Variants in CHTF8 observed in about 807,000 individuals in gnomAD.
The protein encoded by CHTF8 is chromosome transmission fidelity protein 8 homolog.
Under a neutral mutation model 11.0 loss-of-function variants are expected in CHTF8, and 6 were observed. The ratio of observed to expected loss-of-function variants is 0.55; its 90% CI spans 0.30 to 1.08. CHTF8 has a LOEUF of 1.08. Ranked by LOEUF, CHTF8 falls within the 50% of genes least tolerant of loss-of-function variation. The pLI is 0.07. For synonymous variants in CHTF8, 53 were observed against 60.5 expected (o/e 0.88, Z 0.57); for missense variants, 140 against 153.1 (o/e 0.91, Z 0.45).
Position 69,123,697 on chromosome 16 carries a change from A to G in CHTF8, c.-35-2204T>C, listed in dbSNP as rs1401125143. On this transcript the variant is annotated intron_variant, in intron 1 of 3. Coordinates refer to ENST00000448552, the MANE Select transcript of CHTF8 (RefSeq NM_001039690.5). ...TCCAAGGGAACTGAGAAAGTCCTCC[A>G]ACATCTTTAGTGAATGGTAAGCTGA... 2.0e-5 allele frequency among the ~76,000 whole-genome samples: 3 copies of G among 152,180 alleles called. No homozygotes were observed. In the East Asian group the frequency reaches 5.8e-4, roughly 29 times the overall value.
rs1292577233 is a variant in CHTF8, at chr16:69,118,827, A to C, written c.*1598T>G. 1 of 686,346 alleles carries C rather than the reference A, an allele frequency of 1.5e-6. No homozygotes were observed. The highest frequency in any genetic ancestry group is 2.7e-6 in the Non-Finnish European group (1 of 376,200). The allele number at this position is 686,346 out of a possible 1,614,324, so 42.5% of individuals were successfully genotyped here. On this transcript the variant is annotated 3_prime_UTR_variant, in exon 4 of 4. Coordinates refer to ENST00000448552, the MANE Select transcript of CHTF8 (RefSeq NM_001039690.5). ...CCAAGAACCACAGTGCCTAGAAACC[A>C]AGGTGGTCCTGGAGGGAAAATGGTG...
Position 69,119,408 on chromosome 16 carries a change from T to C in CHTF8, c.*1017A>G, listed in dbSNP as rs776154872. ...GAGAAATGAGCTGAATTAGGGCCTATGGGGCCAGGAGCCCTTGACATGGGA... is the reference window on the plus strand; with the variant it reads ...GAGAAATGAGCTGAATTAGGGCCTACGGGGCCAGGAGCCCTTGACATGGGA... On this transcript the variant is annotated 3_prime_UTR_variant, in exon 4 of 4. Coordinates refer to ENST00000448552, the MANE Select transcript of CHTF8 (RefSeq NM_001039690.5). 3.6e-5 allele frequency: 25 copies of C among 702,830 alleles called. No individual in the cohort carries two copies. The highest frequency in any genetic ancestry group is 2.3e-4 in the Middle Eastern group (1 of 4,390). 43.5% of individuals were successfully genotyped at this position (702,830 alleles called of 1,614,324 possible).
chr16:69,130,083 G>C (rs888565922), intron 1 of CHTF8, among the ~76,000 whole-genome samples: 3 of 152,176 alleles, frequency 2.0e-5, no homozygotes, highest in Non-Finnish European at 4.4e-5. Flanking sequence ...TCTGGTCTCT[G>C]AATTGTTAAA....
chr16:69,118,912 A>C lies in CHTF8; in HGVS notation c.*1513T>G, dbSNP rs2152264362. The C allele has an allele frequency of 1.4e-6, 1 of 703,092 alleles. No individual in the cohort carries two copies. The highest frequency in any genetic ancestry group is 2.0e-5 in the Admixed American group (1 of 50,020). 43.6% of individuals were successfully genotyped at this position (703,092 alleles called of 1,614,324 possible). A position where few individuals can be genotyped will look rare whatever the true frequency, so the allele number is the denominator to read the frequency against. ...AGCCATTGGACCCCCTGGTCTGGGG[A>C]AAGCAGCTGGGTTTGTGCCAGGGAG... On this transcript the variant is annotated 3_prime_UTR_variant, in exon 4 of 4. Transcript: ENST00000448552.
intron 1 of CHTF8, among the ~76,000 whole-genome samples, chr16:69,126,890 CCT>C (rs1962099452): frequency 1.3e-5 from 2 of 152,258 alleles, no homozygotes; most frequent in South Asian, 4.1e-4. Flanking sequence ...TGAGTACTCC[CCT>C]GAGGACACAC....
At chr16:69,131,451 C>G (rs1477445532) in intron 1 of CHTF8, 2 of 151,480 alleles carry the variant, frequency 1.3e-5, no homozygotes, top group African/African-American at 2.4e-5. Context: ...CTTTCTAGCC[C>G]GGCGTAGAGT....
In CHTF8 at chr16:69,132,476, G is replaced by A. The variant is rs1223975716; in HGVS notation, c.-36+8C>T. On this transcript the variant is annotated splice_region_variant and intron_variant, in intron 1 of 3. Transcript: ENST00000448552. Reference sequence around the variant, plus strand: ...GCAGCCTCCCGTGCCCCCCGCCCGCGGCCTGACCTGCAATGGCGGCCGCCG... The same window carrying A: ...GCAGCCTCCCGTGCCCCCCGCCCGCAGCCTGACCTGCAATGGCGGCCGCCG... 2 of 243,134 alleles carry A rather than the reference G, an allele frequency of 8.2e-6. No individual in the cohort carries two copies. Among genetic ancestry groups the A allele is most frequent in the Non-Finnish European group, 1.6e-5 (2 of 126,502 alleles). 15.1% of individuals were successfully genotyped at this position (243,134 alleles called of 1,614,324 possible). A position where few individuals can be genotyped will look rare whatever the true frequency, so the allele number is the denominator to read the frequency against.
intron 1 of CHTF8, among the ~76,000 whole-genome samples, chr16:69,125,331 T>C (rs937968530): frequency 6.6e-6 from 1 of 152,198 alleles, no homozygotes; most frequent in Non-Finnish European, 1.5e-5. Flanking sequence ...GTCTATGATA[T>C]AGGTATTTAT....
Position 69,118,874 on chromosome 16 carries a change from T to A in CHTF8, c.*1551A>T, listed in dbSNP as rs756198170. 1 of 702,866 alleles carries A rather than the reference T, an allele frequency of 1.4e-6. No homozygotes were observed. Among genetic ancestry groups the A allele is most frequent in the Non-Finnish European group, 2.6e-6 (1 of 384,870 alleles). The allele number at this position is 702,866 out of a possible 1,614,324, so 43.5% of individuals were successfully genotyped here. ...GGTGTTTAAGGGGGCAACATTCCAT[T>A]TGGGTACATTGCAGCCATTGGACCC... On this transcript the variant is annotated 3_prime_UTR_variant, in exon 4 of 4. Coordinates refer to ENST00000448552, the MANE Select transcript of CHTF8 (RefSeq NM_001039690.5).
At chr16:69,132,105 TCGCCGCCCCCTTCTCCGTCCTCCGCCCG>T (rs1962581712) in intron 1 of CHTF8, 1 of 154,446 alleles carries the variant, frequency 6.5e-6, no homozygotes, top group African/African-American at 2.4e-5. Flanking sequence ...ATTCCGGCCC[TCGCCGCCCCCTTCTCCGTCCTCCGCCCG>T]CGCTCGGCCA....
rs1961398296 is a variant in CHTF8 at position 69,119,045 on chromosome 16, C to G, written c.*1380G>C. ...GTCCCAGTTGGCCTTGTGAAAGGAG[C>G]TGGGTTGATACCCACAGGGCCAGCT... On this transcript the variant is annotated 3_prime_UTR_variant, in exon 4 of 4. Coordinates refer to ENST00000448552, the MANE Select transcript of CHTF8 (RefSeq NM_001039690.5). 1 of 702,952 alleles carries G rather than the reference C, an allele frequency of 1.4e-6. No individual in the cohort carries two copies. The highest frequency in any genetic ancestry group is 2.0e-5 in the Admixed American group (1 of 50,006). The allele number at this position is 702,952 out of a possible 1,614,324, so 43.5% of individuals were successfully genotyped here. A position where few individuals can be genotyped will look rare whatever the true frequency, so the allele number is the denominator to read the frequency against.
In CHTF8 at chr16:69,120,840, T is replaced by C; in HGVS notation, c.142-191A>G. 2.7e-6 allele frequency: 2 copies of C among 741,316 alleles called. No homozygotes were observed. Among genetic ancestry groups the C allele is most frequent in the Non-Finnish European group, 4.8e-6 (2 of 418,572 alleles). 45.9% of individuals were successfully genotyped at this position (741,316 alleles called of 1,614,324 possible). On this transcript the variant is annotated intron_variant, in intron 3 of 3. Transcript: ENST00000448552. The surrounding 1 kb of genome is among the most constrained non-coding windows in gnomAD (Gnocchi z 4.0). ...TACTTTCTAGCCCCACATAGGAGAA[T>C]TTCCACTTTCAGAAATGTGAGCTTT...
At chr16:69,131,324 A>G (rs981086881) in intron 1 of CHTF8, 1 of 152,158 alleles carries the variant, frequency 6.6e-6, no homozygotes, top group African/African-American at 2.4e-5. Flanking sequence ...GGTGGAAAAG[A>G]TGGCTTCAGT....
rs1288691799 is a variant in CHTF8, at chr16:69,118,807, A to G, written c.*1618T>C. On this transcript the variant is annotated 3_prime_UTR_variant, in exon 4 of 4. Transcript: ENST00000448552. ...TTTACCTAAGACAGCCCCTGCCAAG[A>G]ACCACAGTGCCTAGAAACCAAGGTG... The G allele has an allele frequency of 1.5e-6, 1 of 666,388 alleles. No homozygotes were observed. The highest frequency in any genetic ancestry group is 2.7e-6 in the Non-Finnish European group (1 of 367,576). 41.3% of individuals were successfully genotyped at this position (666,388 alleles called of 1,614,324 possible).
intron 2 of CHTF8, 109 bp from the exon 3 acceptor site, chr16:69,121,279 C>A (rs1344729843): frequency 1.5e-6 from 2 of 1,296,454 alleles, no homozygotes; most frequent in African/African-American, 1.5e-5. Context: ...ATGTCAAGTT[C>A]TTGGGAAATT....
chr16:69,121,581 G>A (rs1275063955), intron 1 of CHTF8, 88 bp from the exon 2 acceptor site: 54 of 736,480 alleles, frequency 7.3e-5, no homozygotes, highest in African/African-American at 3.6e-5. Flanking sequence ...GGGTTCAATC[G>A]ATTCTCCTGC....
In CHTF8 at chr16:69,119,927, C is replaced by T. The variant is rs758229896; in HGVS notation, c.*498G>A. 1.1e-5 allele frequency: 8 copies of T among 702,530 alleles called. No homozygotes were observed. Among genetic ancestry groups the T allele is most frequent in the Non-Finnish European group, 2.1e-5 (8 of 384,884 alleles). 43.5% of individuals were successfully genotyped at this position (702,530 alleles called of 1,614,324 possible). On this transcript the variant is annotated 3_prime_UTR_variant, in exon 4 of 4. Transcript: ENST00000448552. ...GGACCACCACCTCTGGGGTCAGGAC[C>T]TGCTCCCAGGAGACCACCTGCCCTT...
rs1961605575 is a variant in CHTF8, at chr16:69,120,940, G to A, written c.141+113C>T. The A allele has an allele frequency of 1.1e-6, 1 of 894,326 alleles. No individual in the cohort carries two copies. Among genetic ancestry groups the A allele is most frequent in the Non-Finnish European group, 1.9e-6 (1 of 523,124 alleles). 55.4% of individuals were successfully genotyped at this position (894,326 alleles called of 1,614,324 possible). ...AACAAGCAGAGAGCATCGCAGATTA[G>A]CTAGGCCTTGAATAACAAACCTGAG... On this transcript the variant is annotated intron_variant, in intron 3 of 3. Coordinates refer to ENST00000448552, the MANE Select transcript of CHTF8 (RefSeq NM_001039690.5). This position sits in a 1 kb window ranked among gnomAD's most constrained non-coding sequence, Gnocchi z 4.0.
At position 69,118,452 on chromosome 16, in the gene CHTF8, G is replaced by GAGAGC. The variant is rs1480696580; in HGVS notation, c.*1968_*1972dup. On this transcript the variant is annotated 3_prime_UTR_variant, in exon 4 of 4. Transcript: ENST00000448552. ...TCCGTTCACCAACGCCACGTTTCTA[G>GAGAGC]AGAGCAGTGAGCTGATTCTCCAATG... The GAGAGC allele has an allele frequency of 6.2e-7, 1 of 1,600,636 alleles. No homozygotes were observed.
Sources: gnomAD v4.1 joint callset for allele counts (sites outside exome capture counted in the v4.1 genomes callset) on GRCh38, gnomAD v4.1.1 for gene constraint, Gnocchi (gnomAD v3.1) non-coding constraint, MANE v1.5 for transcripts, NCBI Gene and HGNC (gene_info 2026-07-23, HGNC 2026-07-21) for gene names.